ABCA6: variants seen among roughly 807,000 people sequenced by gnomAD.
ABCA6 encodes the protein ATP binding cassette subfamily A member 6.
In ABCA6, 164 loss-of-function variants were observed where a neutral mutation model predicts 191.2. The ratio of observed to expected loss-of-function variants is 0.86; its 90% CI spans 0.76 to 0.98. The LOEUF (loss-of-function observed/expected upper bound fraction) is 0.98. Ranked by LOEUF, ABCA6 falls within the 50% of genes least tolerant of loss-of-function variation. The pLI is 0.00. For missense variants in ABCA6, 1,958 were observed against 1,894.1 expected, an observed-to-expected ratio of 1.03 and a Z score of -0.63; for synonymous variants, 636 against 647.7, an observed-to-expected ratio of 0.98 and a Z score of 0.27.
chr17:69,112,425 C>A, intron 15 of ABCA6, 152 bp from the exon 16 acceptor site: 2 of 561,064 alleles, frequency 3.6e-6, no homozygotes, highest in Non-Finnish European at 6.4e-6. Flanking sequence ...ATTTGAAATA[C>A]ATATTAAAAT....
At position 69,106,143 on chromosome 17, in the gene ABCA6, A is replaced by T; in HGVS notation, c.2458T>A (p.Phe820Ile). 1 of 1,613,998 alleles carries T rather than the reference A, an allele frequency of 6.2e-7. No individual in the cohort carries two copies. Residue 820 changes from phenylalanine (F) to isoleucine (I), a missense_variant, in exon 19 of 39, where the codon TTC becomes ATC. Phe to Ile is a conservative substitution (Grantham distance 21). Transcript: ENST00000284425. ...LNEMELAHSS[F>I]SEMQTAVSDM... ...CTCACAGCTGTCTGCATTTCAGAGA[A>T]GGAAGAGTGAGCCAGCTCCATTTCA...
chr17:69,140,335 C>G (rs1004401215), intron 2 of ABCA6, among the ~76,000 whole-genome samples: 1 of 152,036 alleles, frequency 6.6e-6, no homozygotes, highest in Non-Finnish European at 1.5e-5. Context: ...CTTCTTGGCT[C>G]TAAGTGTATA....
rs2302134 is a variant in ABCA6, at chr17:69,085,689, T to C, written c.3965A>G (p.Asn1322Ser). ...EGEILGLLGP[N>S]GAGKSSSIRM... The stretch of plus-strand genomic sequence containing the variant: ...AATAGATGAACTTTTTCCAGCACCA[T>C]TGGGTCCTAGCAATCCCAAAATTTC... Residue 1322 changes from asparagine to serine, a missense_variant, in exon 31 of 39, where the codon AAT (asparagine) becomes AGT (serine). Physicochemically the swap from Asn to Ser is conservative, Grantham distance 46. Transcript: ENST00000284425. The C allele has an allele frequency of 0.62, 992,438 of 1,607,424 alleles. 315,399 individuals carry two copies. The highest frequency in any genetic ancestry group is 0.68 in the Admixed American group (40,337 of 59,584).
At chr17:69,137,090 C>T (rs2073961087) in intron 3 of ABCA6, among the ~76,000 whole-genome samples, 1 of 152,128 alleles carries the variant, frequency 6.6e-6, no homozygotes. Context: ...ATGGACCTCC[C>T]TAAACTGGAC....
rs748505988 is a variant in ABCA6, at chr17:69,100,910, T to C, written c.2899A>G (p.Asn967Asp). ...GGAAAACAGTGCAATCTCTTGGTAT[T>C]ACACACAACTGAAAATCTATAATCC... ...QKDYRFSVVC[N>D]TKRLHCFPIL... is the part of the protein sequence containing the mutation. The change falls in exon 22 of 39, where the codon AAT (asparagine) becomes GAT (aspartate). Residue 967 changes from asparagine to aspartate, a missense_variant. Physicochemically the swap from Asn to Asp is conservative, Grantham distance 23. Coordinates refer to ENST00000284425, the MANE Select transcript of ABCA6 (RefSeq NM_080284.3). 3 of 1,596,460 alleles carry C rather than the reference T, an allele frequency of 1.9e-6. No individual in the cohort carries two copies. The highest frequency in any genetic ancestry group is 1.7e-5 in the Admixed American group (1 of 58,050).
chr17:69,111,365 G>A (rs140058878), intron 16 of ABCA6: 91 of 153,738 alleles, frequency 5.9e-4, no homozygotes, highest in Non-Finnish European at 9.2e-4. Context: ...TTTTAGCCTG[G>A]ATATACACCA....
chr17:69,133,265 TAAG>T (rs2073895591), intron 6 of ABCA6, among the ~76,000 whole-genome samples: 1 of 152,202 alleles, frequency 6.6e-6, no homozygotes, highest in Non-Finnish European at 1.5e-5. Flanking sequence ...CTGTTAACTG[TAAG>T]AAGACCAGGC....
At chr17:69,121,702 C>T (rs931204363) in intron 10 of ABCA6, among the ~76,000 whole-genome samples, 1 of 151,720 alleles carries the variant, frequency 6.6e-6, no homozygotes, top group Non-Finnish European at 1.5e-5. Context: ...ATTTTGAGGT[C>T]TTTGTAAGTA....
intron 2 of ABCA6, among the ~76,000 whole-genome samples, chr17:69,139,989 C>T (rs901793071): frequency 6.6e-6 from 1 of 150,738 alleles, no homozygotes; most frequent in Non-Finnish European, 1.5e-5. Flanking sequence ...GGAGATATAC[C>T]TAATGCTAAA....
intron 26 of ABCA6, among the ~76,000 whole-genome samples, chr17:69,090,716 T>A (rs933429391): frequency 2.0e-5 from 3 of 152,212 alleles, no homozygotes; most frequent in Admixed American, 1.3e-4. Flanking sequence ...GTATTTGATA[T>A]ATATTTTTGA....
intron 2 of ABCA6, among the ~76,000 whole-genome samples, chr17:69,138,124 G>A (rs908416815): frequency 6.6e-6 from 1 of 152,046 alleles, no homozygotes; most frequent in Non-Finnish European, 1.5e-5. Context: ...CACTGTCCTG[G>A]TCCCACTATT....
chr17:69,104,597 T>C (rs1475517023), intron 20 of ABCA6: 1 of 151,210 alleles, frequency 6.6e-6, no homozygotes, highest in Non-Finnish European at 1.5e-5. Context: ...TGTTTGTTTG[T>C]TTTAACATCT....
Position 69,091,147 on chromosome 17 carries a change from T to G in ABCA6, c.3524A>C (p.Glu1175Ala). 6.2e-7 allele frequency: 1 copy of G among 1,607,064 alleles called. No individual in the cohort carries two copies. The highest frequency in any genetic ancestry group is 8.5e-7 in the Non-Finnish European group (1 of 1,177,884). The change falls in exon 26 of 39, where the codon GAA becomes GCA. Residue 1175 changes from glutamate to alanine, a missense_variant. Transcript: ENST00000284425. ...YTLLGFKTFLEVRDQEHYREF... is the reference protein window; with the variant it reads ...YTLLGFKTFLAVRDQEHYREF... ...ACAGTTGGTAACATTTCTTACCACT[T>G]CCAAAAAAGTTTTAAATCCAAGCAA...
chr17:69,134,734 A>G lies in ABCA6; in HGVS notation c.469T>C (p.Trp157Arg). 6.2e-7 allele frequency: 1 copy of G among 1,612,092 alleles called. No individual in the cohort carries two copies. Among genetic ancestry groups the G allele is most frequent in the Non-Finnish European group, 8.5e-7 (1 of 1,178,606 alleles). ...CATGAAAACTCACCATATCCATCCC[A>G]GCAATGAGCTGTAAGCACAAAGAAA... is the stretch of plus-strand genomic sequence containing the variant. ...LWKEDFSAHC[W>R]DGYGEFSCTL... is the part of the protein sequence containing the mutation. Residue 157 changes from tryptophan (W) to arginine (R), a missense_variant, in exon 5 of 39, where the codon TGG becomes CGG. By Grantham distance (101) the Trp-to-Arg change is moderately radical. Coordinates refer to ENST00000284425, the MANE Select transcript of ABCA6 (RefSeq NM_080284.3).
At chr17:69,125,066 AAAAT>A (rs1219999801) in intron 8 of ABCA6, 31 bp from the exon 9 acceptor site, 21 of 1,127,944 alleles carry the variant, frequency 1.9e-5, no homozygotes, top group Middle Eastern at 3.1e-4. Context: ...ATAAATGTTT[AAAAT>A]AAATAAATAA....
Position 69,081,056 on chromosome 17 carries a change from T to G in ABCA6, c.4696+10A>C. Reference sequence around the variant, plus strand: ...CTTCAAAAGATTTATTTGAATGTGGTCACTCTTACCTGCTTCTAATTTGTG... The same window carrying G: ...CTTCAAAAGATTTATTTGAATGTGGGCACTCTTACCTGCTTCTAATTTGTG... On this transcript the variant is annotated intron_variant, in intron 37 of 38. Transcript: ENST00000284425. 6.6e-7 allele frequency: 1 copy of G among 1,523,356 alleles called. No individual in the cohort carries two copies. The highest frequency in any genetic ancestry group is 8.9e-7 in the Non-Finnish European group (1 of 1,120,370). The allele number at this position is 1,523,356 out of a possible 1,614,324, so 94.4% of individuals were successfully genotyped here. A position where few individuals can be genotyped will look rare whatever the true frequency, so the allele number is the denominator to read the frequency against.
chr17:69,085,539 AAG>A, intron 31 of ABCA6, 84 bp downstream of exon 31: 1 of 842,644 alleles, frequency 1.2e-6, no homozygotes, highest in Non-Finnish European at 1.7e-6. Context: ...AAAAAAAGAA[AAG>A]AAAAATAGTA....
intron 4 of ABCA6, 187 bp downstream of exon 4, chr17:69,135,905 A>T (rs1293458932): frequency 1.1e-5 from 7 of 610,110 alleles, no homozygotes; most frequent in African/African-American, 1.9e-5. Context: ...ATGTTGGATG[A>T]CTCTACAATT....
intron 30 of ABCA6, 132 bp downstream of exon 30, chr17:69,086,486 A>AATATAT (rs68086602): frequency 0.069 from 11,218 of 162,992 alleles, 605 homozygotes; most frequent in South Asian, 0.11. Context: ...TGGCACACTA[A>AATATAT]ATATATATAT....
Sources: allele counts gnomAD v4.1 joint callset (sites outside exome capture counted in the v4.1 genomes callset), GRCh38; gene constraint gnomAD v4.1.1; transcripts MANE v1.5; gene names NCBI Gene and HGNC (gene_info 2026-07-23, HGNC 2026-07-21).